KCNH8: variants seen among roughly 807,000 people sequenced by gnomAD.
KCNH8 encodes voltage-gated delayed rectifier potassium channel KCNH8.
A neutral mutation model predicts 103.6 loss-of-function variants in KCNH8; 70 were observed. That is an observed-to-expected ratio of 0.68 (90% CI 0.56 to 0.82). The LOEUF (loss-of-function observed/expected upper bound fraction) is 0.82, where lower values mean the gene tolerates loss of function less well. Ranked by LOEUF, KCNH8 falls within the 40% of genes least tolerant of loss-of-function variation. The pLI, the probability that KCNH8 is intolerant of heterozygous loss-of-function variation, is 0.00. For synonymous variants in KCNH8, 498 were observed against 489.4 expected (o/e 1.02, Z -0.23); for missense variants, 1,217 against 1,329.9 (o/e 0.92, Z 1.32).
chr3:19,454,035 T>C (rs1189085251), intron 10 of KCNH8, among the ~76,000 whole-genome samples: 2 of 152,060 alleles, frequency 1.3e-5, no homozygotes, highest in African/African-American at 2.4e-5. Context: ...TTCTCCTCAA[T>C]AGAAAGGCAT....
At chr3:19,300,688 T>G (rs1418144704) in intron 3 of KCNH8, among the ~76,000 whole-genome samples, 1 of 152,162 alleles carries the variant, frequency 6.6e-6, no homozygotes, top group Non-Finnish European at 1.5e-5. Context: ...GACTCCTTTA[T>G]GAGAGTCCTG....
At chr3:19,515,115 A>G (rs908458297) in intron 13 of KCNH8, among the ~76,000 whole-genome samples, 1 of 151,750 alleles carries the variant, frequency 6.6e-6, no homozygotes, top group African/African-American at 2.4e-5. Flanking sequence ...TCCAGTGTGT[A>G]TTTAATTCTT....
At chr3:19,287,696 C>T (rs1207491344) in intron 3 of KCNH8, among the ~76,000 whole-genome samples, 1 of 152,154 alleles carries the variant, frequency 6.6e-6, no homozygotes, top group African/African-American at 2.4e-5. Flanking sequence ...AGTGATTCTC[C>T]TGCCTCAGCC....
At chr3:19,368,810 A>C (rs1342480076) in intron 5 of KCNH8, among the ~76,000 whole-genome samples, 3 of 152,020 alleles carry the variant, frequency 2.0e-5, no homozygotes, top group Admixed American at 1.3e-4. Context: ...GCCTAGATAA[A>C]ACAGATGGTC....
At chr3:19,376,604 C>T (rs1161381441) in intron 5 of KCNH8, among the ~76,000 whole-genome samples, 4 of 152,194 alleles carry the variant, frequency 2.6e-5, no homozygotes, top group Admixed American at 1.3e-4. Context: ...TGTTCCTATT[C>T]GGCCATCTTG....
Position 19,381,122 on chromosome 3 carries a change from C to A in KCNH8, c.812-9359C>A, listed in dbSNP as rs1337311595. On this transcript the variant is annotated intron_variant, in intron 5 of 15. Transcript: ENST00000328405. ...TTATGTTTTGAGTGTTCTTAAGAGT[C>A]CTTAAAAATAGTTTGTGAACACTTC... Among the ~76,000 whole-genome samples the A allele has an allele frequency of 3.3e-5, 5 of 152,164 alleles. No homozygotes were observed. The East Asian group carries it at 9.6e-4, about 29-fold the overall frequency.
intron 2 of KCNH8, among the ~76,000 whole-genome samples, chr3:19,279,725 T>G (rs2064731629): frequency 6.6e-6 from 1 of 152,122 alleles, no homozygotes; most frequent in Non-Finnish European, 1.5e-5. Context: ...GCAGCTACGA[T>G]AAAATAAGAC....
chr3:19,423,721 C>A (rs562326932), intron 7 of KCNH8, among the ~76,000 whole-genome samples: 4 of 151,816 alleles, frequency 2.6e-5, no homozygotes, highest in Non-Finnish European at 4.4e-5. Context: ...TTTTCAATTG[C>A]GAATTGTGCT....
chr3:19,378,645 A>G (rs574889720), intron 5 of KCNH8, among the ~76,000 whole-genome samples: 2 of 152,352 alleles, frequency 1.3e-5, no homozygotes, highest in East Asian at 1.9e-4. Context: ...ATATAAGTCA[A>G]TCACTTCATC....
intron 11 of KCNH8, among the ~76,000 whole-genome samples, chr3:19,466,649 ATTTTTTTTTTTTTT>A (rs869048680): frequency 3.0e-3 from 153 of 50,648 alleles, no homozygotes; most frequent in Admixed American, 6.8e-3. Context: ...GTAGCAATAC[ATTTTTTTTTTTTTT>A]TTTTTTTTTT....
chr3:19,323,899 G>A (rs2065385132), intron 3 of KCNH8, among the ~76,000 whole-genome samples: 1 of 152,204 alleles, frequency 6.6e-6, no homozygotes, highest in Non-Finnish European at 1.5e-5. Context: ...TTGCTCCAGT[G>A]GAGGTAGCAG....
At chr3:19,240,543 C>T (rs1465714853) in intron 1 of KCNH8, among the ~76,000 whole-genome samples, 3 of 147,428 alleles carry the variant, frequency 2.0e-5, no homozygotes, top group Non-Finnish European at 3.0e-5. Flanking sequence ...ACCTGGGAGG[C>T]GGAGGTTGCG....
At chr3:19,225,254 T>C (rs2063917605) in intron 1 of KCNH8, among the ~76,000 whole-genome samples, 1 of 151,768 alleles carries the variant, frequency 6.6e-6, no homozygotes, top group African/African-American at 2.4e-5. Flanking sequence ...AACTCTATTA[T>C]GGAAGGGTCC....
chr3:19,264,467 G>A (rs972448362), intron 2 of KCNH8, among the ~76,000 whole-genome samples: 1 of 152,066 alleles, frequency 6.6e-6, no homozygotes, highest in Non-Finnish European at 1.5e-5. Flanking sequence ...GGAGTTTTAC[G>A]TAAGTCCAGT....
At chr3:19,421,405 C>T (rs2066949314) in intron 7 of KCNH8, among the ~76,000 whole-genome samples, 5 of 152,056 alleles carry the variant, frequency 3.3e-5, no homozygotes, top group Admixed American at 3.3e-4. Flanking sequence ...TACAGTCATT[C>T]TCATTAGAAT....
intron 3 of KCNH8, among the ~76,000 whole-genome samples, chr3:19,323,885 T>C (rs2065384941): frequency 6.6e-6 from 1 of 152,322 alleles, no homozygotes; most frequent in African/African-American, 2.4e-5. Flanking sequence ...ATGGATGCCA[T>C]CACTTGCTCC....
chr3:19,255,514 G>T (rs909882753), intron 2 of KCNH8, among the ~76,000 whole-genome samples: 4 of 152,028 alleles, frequency 2.6e-5, no homozygotes, highest in Admixed American at 6.6e-5. Context: ...GAATAGGAGT[G>T]GTAAGAGAGA....
intron 1 of KCNH8, among the ~76,000 whole-genome samples, chr3:19,197,819 A>G (rs899608268): frequency 6.6e-6 from 1 of 152,060 alleles, no homozygotes; most frequent in South Asian, 2.1e-4. Flanking sequence ...TTTCTATTTT[A>G]CTATTTCTTG....
chr3:19,520,968 A>G (rs2068961560), intron 15 of KCNH8, among the ~76,000 whole-genome samples: 1 of 152,024 alleles, frequency 6.6e-6, no homozygotes, highest in Non-Finnish European at 1.5e-5. Flanking sequence ...TAGTTAGGAG[A>G]GTTTAAAAGA....
Sources: allele counts gnomAD v4.1 joint callset (sites outside exome capture counted in the v4.1 genomes callset), GRCh38; gene constraint gnomAD v4.1.1; transcripts MANE v1.5; gene names NCBI Gene and HGNC (gene_info 2026-07-23, HGNC 2026-07-21).